Variants in MARCHF8 observed in about 807,000 individuals in gnomAD.
MARCHF8 encodes the protein E3 ubiquitin-protein ligase MARCHF8.
MARCHF8 carries 40 observed loss-of-function variants against 51.6 expected under a neutral mutation model. The observed-to-expected ratio is 0.77, with a 90% CI of 0.60 to 1.01. MARCHF8 has a LOEUF of 1.01. Among genes scored for constraint, MARCHF8 ranks in the 50% least tolerant of loss-of-function variants. The probability of loss-of-function intolerance (pLI) is 0.00; values close to 1 mark genes in which losing one functional copy is unlikely to be tolerated. For synonymous variants in MARCHF8, 263 were observed against 280.3 expected (o/e 0.94, Z 0.62); for missense variants, 685 against 708.6 (o/e 0.97, Z 0.38).
At chr10:45,514,340 TTCATTTTCCA>T (rs2043584757) in intron 2 of MARCHF8, among the ~76,000 whole-genome samples, 1 of 152,216 alleles carries the variant, frequency 6.6e-6, no homozygotes, top group Non-Finnish European at 1.5e-5. Context: ...TACCTGAAGC[TTCATTTTCCA>T]ACAAGAATGC....
intron 2 of MARCHF8, among the ~76,000 whole-genome samples, chr10:45,526,525 A>C (rs1470800104): frequency 6.6e-6 from 1 of 152,222 alleles, no homozygotes; most frequent in Non-Finnish European, 1.5e-5. Context: ...TGCTGCTACC[A>C]GCCAACAAGC....
chr10:45,467,660 C>CAGGACAGAACCTTACTAGAT (rs1290341265), intron 3 of MARCHF8, among the ~76,000 whole-genome samples: 2 of 152,078 alleles, frequency 1.3e-5, no homozygotes, highest in African/African-American at 4.8e-5. Context: ...AGGAGCTCTG[C>CAGGACAGAACCTTACTAGAT]AGGACAGAAC....
intron 2 of MARCHF8, among the ~76,000 whole-genome samples, chr10:45,498,083 C>CA (rs1369336986): frequency 6.6e-6 from 1 of 152,176 alleles, no homozygotes; most frequent in African/African-American, 2.4e-5. Flanking sequence ...TAAATTTTAA[C>CA]AGCAATTCTA....
chr10:45,553,250 TCTGA>T (rs1471167132), intron 1 of MARCHF8: 6 of 152,144 alleles, frequency 3.9e-5, no homozygotes, highest in African/African-American at 1.4e-4. Context: ...AATTCTATGC[TCTGA>T]CTGCTTCAGA....
chr10:45,537,225 G>C (rs2043986103), upstream of MARCHF8, among the ~76,000 whole-genome samples: 2 of 152,056 alleles, frequency 1.3e-5, no homozygotes. Context: ...CCAAAAGGTG[G>C]AAATAACCTA....
chr10:45,564,185 A>C (rs1042851082), intron 1 of MARCHF8, among the ~76,000 whole-genome samples: 1 of 152,218 alleles, frequency 6.6e-6, no homozygotes, highest in South Asian at 2.1e-4. Context: ...CTGAGGCAGG[A>C]GAATCGCTTG....
intron 1 of MARCHF8, among the ~76,000 whole-genome samples, chr10:45,588,348 G>A (rs1243347616): frequency 6.6e-6 from 1 of 152,126 alleles, no homozygotes; most frequent in Non-Finnish European, 1.5e-5. Context: ...TACAAGAACG[G>A]GTTGGCTTCT....
intron 3 of MARCHF8, among the ~76,000 whole-genome samples, chr10:45,475,280 A>C (rs948386654): frequency 6.6e-6 from 1 of 152,214 alleles, no homozygotes; most frequent in African/African-American, 2.4e-5. Context: ...TGCCACTGAA[A>C]GCAACCCCAC....
chr10:45,522,727 C>A (rs1754089448), intron 2 of MARCHF8, among the ~76,000 whole-genome samples: 2 of 152,190 alleles, frequency 1.3e-5, no homozygotes, highest in Admixed American at 1.3e-4. Flanking sequence ...TTTTAAAAAA[C>A]AGGCTTCTGA....
At chr10:45,548,995 C>CAAAAAAA in intron 1 of MARCHF8, among the ~76,000 whole-genome samples, 1 of 110,318 alleles carries the variant, frequency 9.1e-6, no homozygotes, top group African/African-American at 3.5e-5. Context: ...GACTCCATCT[C>CAAAAAAA]AAAAAAAAAA....
chr10:45,467,792 C>T (rs558851164), intron 3 of MARCHF8, among the ~76,000 whole-genome samples: 1 of 152,240 alleles, frequency 6.6e-6, no homozygotes, highest in African/African-American at 2.4e-5. Flanking sequence ...AGAACACCTA[C>T]ACTCTCCTCT....
At chr10:45,482,304 G>T (rs1415886160) in intron 3 of MARCHF8, among the ~76,000 whole-genome samples, 1 of 152,008 alleles carries the variant, frequency 6.6e-6, no homozygotes, top group Non-Finnish European at 1.5e-5. Flanking sequence ...CACAGAAACA[G>T]AAAAAACAAT....
upstream of MARCHF8, among the ~76,000 whole-genome samples, chr10:45,540,105 T>C (rs2044029636): frequency 6.6e-6 from 1 of 152,144 alleles, no homozygotes. Flanking sequence ...ATCAATATCA[T>C]GAAAATGGCC....
intron 2 of MARCHF8, among the ~76,000 whole-genome samples, chr10:45,523,190 C>A (rs1403170854): frequency 6.6e-6 from 1 of 152,152 alleles, no homozygotes; most frequent in East Asian, 1.9e-4. Flanking sequence ...GATTACAGGA[C>A]ACTAGGACTG....
At chr10:45,588,346 C>T (rs780184108) in intron 1 of MARCHF8, among the ~76,000 whole-genome samples, 1 of 152,084 alleles carries the variant, frequency 6.6e-6, no homozygotes, top group Non-Finnish European at 1.5e-5. Flanking sequence ...CCTACAAGAA[C>T]GGGTTGGCTT....
chr10:45,570,271 T>C (rs1436440275), intron 1 of MARCHF8, among the ~76,000 whole-genome samples: 1 of 151,964 alleles, frequency 6.6e-6, no homozygotes, highest in Non-Finnish European at 1.5e-5. Context: ...AGCAAAACAA[T>C]GGAAAGATCA....
At chr10:45,466,742 G>A (rs1378160909) in intron 3 of MARCHF8, among the ~76,000 whole-genome samples, 1 of 152,204 alleles carries the variant, frequency 6.6e-6, no homozygotes. Context: ...CAAGGTCAGT[G>A]TCCTGGGTCC....
intron 2 of MARCHF8, among the ~76,000 whole-genome samples, chr10:45,509,208 T>G (rs1441049550): frequency 6.6e-6 from 1 of 152,166 alleles, no homozygotes; most frequent in African/African-American, 2.4e-5. Context: ...ATAATACTAC[T>G]AACCCCACAT....
At chr10:45,572,074 C>T in intron 1 of MARCHF8, among the ~76,000 whole-genome samples, 1 of 152,136 alleles carries the variant, frequency 6.6e-6, no homozygotes, top group Admixed American at 6.5e-5. Context: ...GCTCACCCAC[C>T]CCTTCTCCAC....
Sources: allele counts gnomAD v4.1 joint callset (sites outside exome capture counted in the v4.1 genomes callset), GRCh38; gene constraint gnomAD v4.1.1; transcripts MANE v1.5; gene names NCBI Gene and HGNC (gene_info 2026-07-23, HGNC 2026-07-21).